Variants in PRKN observed in about 807,000 individuals in gnomAD.
The protein encoded by PRKN is E3 ubiquitin-protein ligase parkin.
A neutral mutation model predicts 59.5 loss-of-function variants in PRKN; 56 were observed. That is an observed-to-expected ratio of 0.94 (90% confidence interval 0.76 to 1.18). The LOEUF (loss-of-function observed/expected upper bound fraction) is 1.18, where lower values mean the gene tolerates loss of function less well. PRKN is among the 50% of genes most tolerant of loss of function. The pLI, the probability that PRKN is intolerant of heterozygous loss-of-function variation, is 0.00. For synonymous variants in PRKN, 250 were observed against 222.1 expected, an observed-to-expected ratio of 1.13 and a Z score of -1.12; for missense variants, 657 against 596.4, an observed-to-expected ratio of 1.10 and a Z score of -1.06.
intron 9 of PRKN, among the ~76,000 whole-genome samples, chr6:161,439,105 T>C (rs1789065380): frequency 6.6e-6 from 1 of 152,204 alleles, no homozygotes; most frequent in South Asian, 2.1e-4. Context: ...ACCCTTGTCA[T>C]AGTAACATAA....
chr6:161,994,456 T>C lies in PRKN; in HGVS notation c.619-21039A>G, dbSNP rs542788824. Among the ~76,000 whole-genome samples the C allele has an allele frequency of 4.6e-5, 7 of 152,136 alleles. No homozygotes were observed. The East Asian group carries it at 1.4e-3, about 30-fold the overall frequency. ...CTCTCACTACTCCAATTCAACATAGTACTGAAAGTACTAGCCAAGTCAATC... is the reference window on the plus strand; with the variant it reads ...CTCTCACTACTCCAATTCAACATAGCACTGAAAGTACTAGCCAAGTCAATC... On this transcript the variant is annotated intron_variant, in intron 5 of 11. Transcript: ENST00000366898.
chr6:162,021,118 ACATATATATATATATATATATAT>A lies in PRKN; in HGVS notation c.618+32950_618+32972del, dbSNP rs1291308111. Among the ~76,000 whole-genome samples, 10 of 32,192 alleles carry A rather than the reference ACATATATATATATATATATATAT, an allele frequency of 3.1e-4. 1 individual carries two copies. Among genetic ancestry groups the A allele is most frequent in the Admixed American group, 1.3e-3 (2 of 1,572 alleles). 21.1% of individuals were successfully genotyped at this position (32,192 alleles called of 152,430 possible). On this transcript the variant is annotated intron_variant, in intron 5 of 11. Transcript: ENST00000366898. ...ACTCTGTCTCAAAAAAAAAACAAAAACATATATATATATATATATATATATATATATATATATATATATATATA... is the reference window on the plus strand; with the variant it reads ...ACTCTGTCTCAAAAAAAAAACAAAAAATATATATATATATATATATATATA...
rs16892642 is a variant in PRKN at position 161,499,833 on chromosome 6, G to A, written c.1083+49021C>T. ...TCTAGCTTTGAAAGACCCTTCAGAA[G>A]GTAGAATTTGGATGCCAAAATGCTA... On this transcript the variant is annotated intron_variant, in intron 9 of 11. Transcript: ENST00000366898. The surrounding 1 kb of genome is among the most constrained non-coding windows in gnomAD (Gnocchi z 4.2). Among the ~76,000 whole-genome samples the A allele has an allele frequency of 0.081, 12,315 of 152,230 alleles. 731 individuals are homozygous for A. The highest frequency in any genetic ancestry group is 0.16 in the African/African-American group (6,667 of 41,502).
chr6:162,555,981 C>CAAAAAAAAAAA (rs772336975), intron 1 of PRKN, among the ~76,000 whole-genome samples: 9,262 of 89,132 alleles, frequency 0.1, 955 homozygotes, highest in East Asian at 0.32. Context: ...AACTCCATCT[C>CAAAAAAAAAAA]AAAAAAAAAA....
At chr6:161,843,739 G>A (rs923737686) in intron 6 of PRKN, among the ~76,000 whole-genome samples, 7 of 152,198 alleles carry the variant, frequency 4.6e-5, no homozygotes, top group Non-Finnish European at 8.8e-5. Context: ...AGAGTGAGCT[G>A]AAATTGTGTC....
rs1352046883 is a variant in PRKN, at chr6:161,363,086, A to G, written c.1168-2881T>C. ...GTGAAACCTCGTCTCTGCTAAAAAC[A>G]CAACGATTAGCCAAGCGTGGTGGTG... On this transcript the variant is annotated intron_variant, in intron 10 of 11. Coordinates refer to ENST00000366898, the MANE Select transcript of PRKN (RefSeq NM_004562.3). This position sits in a 1 kb window ranked among gnomAD's most constrained non-coding sequence, Gnocchi z 4.1. Among the ~76,000 whole-genome samples, 3 of 152,038 alleles carry G rather than the reference A, an allele frequency of 2.0e-5. No individual in the cohort carries two copies. The highest frequency in any genetic ancestry group is 7.2e-5 in the African/African-American group (3 of 41,410).
chr6:162,487,070 CA>C (rs201932326), intron 1 of PRKN, among the ~76,000 whole-genome samples: 5 of 146,836 alleles, frequency 3.4e-5, no homozygotes, highest in African/African-American at 1.3e-4. Context: ...ACTCTAGTCT[CA>C]AAAAAAAAGA....
At position 162,522,760 on chromosome 6, in the gene PRKN, C is replaced by A. The variant is rs1325343573; in HGVS notation, c.8-79287G>T. 2.0e-5 allele frequency among the ~76,000 whole-genome samples: 3 copies of A among 151,318 alleles called. No individual in the cohort carries two copies. In the East Asian group the frequency reaches 5.8e-4, roughly 29 times the overall value. On this transcript the variant is annotated intron_variant, in intron 1 of 11. Transcript: ENST00000366898. ...CTACATCTGTTACACAATAAATAGT[C>A]CTCTGTCCTATAACACTGTGAGTCA...
At chr6:162,011,610 T>C (rs1167388539) in intron 5 of PRKN, among the ~76,000 whole-genome samples, 4 of 145,202 alleles carry the variant, frequency 2.8e-5, no homozygotes, top group Non-Finnish European at 6.0e-5. Flanking sequence ...CTATGAATAA[T>C]TGACAGATGA....
At chr6:162,187,789 C>T (rs899486675) in intron 4 of PRKN, among the ~76,000 whole-genome samples, 2 of 152,114 alleles carry the variant, frequency 1.3e-5, no homozygotes, top group Admixed American at 6.6e-5. Flanking sequence ...CATGGAAACT[C>T]CTTTAGAGGA....
intron 4 of PRKN, among the ~76,000 whole-genome samples, chr6:162,118,544 G>A (rs1159324579): frequency 6.6e-6 from 1 of 152,098 alleles, no homozygotes; most frequent in African/African-American, 2.4e-5. Context: ...CAAACACATG[G>A]CAGGTATACA....
chr6:162,436,204 AT>A (rs1395324645), intron 2 of PRKN, among the ~76,000 whole-genome samples: 12 of 139,748 alleles, frequency 8.6e-5, no homozygotes, highest in South Asian at 6.9e-4. Context: ...AAAAAAAAAA[AT>A]TTGAATAAAT....
intron 1 of PRKN, among the ~76,000 whole-genome samples, chr6:162,516,666 G>A (rs1449964038): frequency 6.6e-6 from 1 of 151,740 alleles, no homozygotes; most frequent in African/African-American, 2.4e-5. Context: ...AGGAGGTTGT[G>A]GCATGAGAAT....
intron 1 of PRKN, among the ~76,000 whole-genome samples, chr6:162,619,936 A>T (rs1312404454): frequency 1.3e-5 from 2 of 152,210 alleles, no homozygotes; most frequent in African/African-American, 2.4e-5. Context: ...CTTCTCTCTC[A>T]CAATATTTTT....
intron 1 of PRKN, among the ~76,000 whole-genome samples, chr6:162,720,657 A>G (rs1056592232): frequency 6.6e-6 from 1 of 151,470 alleles, no homozygotes; most frequent in African/African-American, 2.4e-5. Flanking sequence ...TCACCTTGTT[A>G]GCCAGGATGG....
Position 162,297,811 on chromosome 6 carries a change from C to A in PRKN, c.172-35046G>T, listed in dbSNP as rs140503522. 4.6e-5 allele frequency among the ~76,000 whole-genome samples: 7 copies of A among 152,218 alleles called. No individual in the cohort carries two copies. The East Asian group carries it at 1.4e-3, about 29-fold the overall frequency. Reference sequence around the variant, plus strand: ...ATACCACTGTGGGCTCTTCATCCTTCCTGCTTCATTAATTACAGTCCAGTG... The same window carrying A: ...ATACCACTGTGGGCTCTTCATCCTTACTGCTTCATTAATTACAGTCCAGTG... On this transcript the variant is annotated intron_variant, in intron 2 of 11. Transcript: ENST00000366898.
At chr6:161,591,302 A>G (rs1399513219) in intron 7 of PRKN, among the ~76,000 whole-genome samples, 1 of 152,206 alleles carries the variant, frequency 6.6e-6, no homozygotes, top group Non-Finnish European at 1.5e-5. Context: ...TCAAAGAAAA[A>G]GACATTTCCT....
At chr6:162,673,248 C>T (rs1239152330) in intron 1 of PRKN, among the ~76,000 whole-genome samples, 1 of 152,142 alleles carries the variant, frequency 6.6e-6, no homozygotes, top group African/African-American at 2.4e-5. Flanking sequence ...CGGTGTGTAG[C>T]TGGTGCCCAG....
intron 6 of PRKN, among the ~76,000 whole-genome samples, chr6:161,877,561 G>A (rs921353300): frequency 4.0e-5 from 6 of 151,034 alleles, no homozygotes; most frequent in African/African-American, 9.7e-5. Flanking sequence ...CTGGGTTCAC[G>A]CTGTTCTCCT....
Sources: gnomAD v4.1 joint callset for allele counts (sites outside exome capture counted in the v4.1 genomes callset) on GRCh38, gnomAD v4.1.1 for gene constraint, Gnocchi (gnomAD v3.1) non-coding constraint, MANE v1.5 for transcripts, NCBI Gene and HGNC (gene_info 2026-07-23, HGNC 2026-07-21) for gene names.